Variants in OCRL observed in about 807,000 individuals in gnomAD.
OCRL encodes the protein inositol polyphosphate 5-phosphatase OCRL.
OCRL carries 8 observed loss-of-function variants against 78.9 expected under a neutral mutation model. The observed-to-expected ratio is 0.10, with a 90% CI of 0.06 to 0.18. The LOEUF is 0.18. OCRL is among the 10% of genes least tolerant of loss of function. The pLI is 1.00. For missense variants in OCRL, 454 were observed against 696.7 expected, an observed-to-expected ratio of 0.65 and a Z score of 3.92; for synonymous variants, 240 against 235.4, an observed-to-expected ratio of 1.02 and a Z score of -0.18.
intron 1 of OCRL, 127 bp downstream of exon 1, chrX:129,540,605 C>G: frequency 3.2e-6 from 2 of 631,296 alleles, no homozygotes; most frequent in Non-Finnish European, 4.4e-6. Flanking sequence ...GGGGAGGGGG[C>G]CGGCGCGGGA....
intron 19 of OCRL, among the ~76,000 whole-genome samples, chrX:129,585,502 G>A (rs768619678): frequency 3.6e-5 from 4 of 112,294 alleles, no homozygotes; most frequent in African/African-American, 6.5e-5. Flanking sequence ...ATCAGTACAC[G>A]TGCTGCATTT....
chrX:129,552,078 G>A (rs745433327), intron 4 of OCRL, among the ~76,000 whole-genome samples: 2 of 111,980 alleles, frequency 1.8e-5, no homozygotes, highest in East Asian at 2.8e-4. Flanking sequence ...TGAATTTTGA[G>A]ATTTCAAAAA....
intron 16 of OCRL, chrX:129,575,519 C>G (rs1000507139): frequency 2.6e-6 from 1 of 389,752 alleles, no homozygotes; most frequent in African/African-American, 2.5e-5. Context: ...CAGAACAGCA[C>G]CCGGCACATA....
In OCRL at chrX:129,547,547, A is replaced by G. The variant is rs1160425356; in HGVS notation, c.200-1016A>G. 2.1e-4 allele frequency among the ~76,000 whole-genome samples: 23 copies of G among 109,820 alleles called. No individual in the cohort carries two copies. In the East Asian group the frequency reaches 5.4e-3, roughly 26 times the overall value. ...CTCAAAAAAAAAAAAAAAAAAAGAA[A>G]AAGAAAACCATCTGTAAACACTCAG... On this transcript the variant is annotated intron_variant, in intron 3 of 23. Transcript: ENST00000371113.
chrX:129,588,187 G>A lies in OCRL; in HGVS notation c.2265G>A (p.Leu755=), dbSNP rs951914518. The change falls in exon 21 of 24, where the codon CTG becomes CTA. Residue 755 remains leucine (L), a synonymous_variant. Transcript: ENST00000371113. ...LFKYACHQED[L]FQTPGMQEEL... ...TCTGACTTCTTTGGTAGGAGGACCTGTTCCAGACCCCTGGAATGCAGGAAG... is the reference window on the plus strand; with the variant it reads ...TCTGACTTCTTTGGTAGGAGGACCTATTCCAGACCCCTGGAATGCAGGAAG... 2 of 1,197,105 alleles carry A rather than the reference G, an allele frequency of 1.7e-6. No individual in the cohort carries two copies. The highest frequency in any genetic ancestry group is 3.5e-5 in the African/African-American group (2 of 56,730).
In OCRL at chrX:129,562,892, C is replaced by T. The variant is rs1452663526; in HGVS notation, c.1244+106C>T. 3.9e-6 allele frequency: 3 copies of T among 767,646 alleles called. No homozygotes were observed. The East Asian group carries it at 9.7e-5, about 25-fold the overall frequency. 63.3% of individuals were successfully genotyped at this position (767,646 alleles called of 1,213,427 possible). Reference sequence around the variant, plus strand: ...TAGAGCTGTGAAGAGTGAAAGATTACCAGTGAGGGATTGGGGTCACAAAGG... The same window carrying T: ...TAGAGCTGTGAAGAGTGAAAGATTATCAGTGAGGGATTGGGGTCACAAAGG... On this transcript the variant is annotated intron_variant, in intron 12 of 23. Transcript: ENST00000371113.
chrX:129,558,945 C>T lies in OCRL; in HGVS notation c.666C>T (p.Leu222=), dbSNP rs746349869. 1 of 1,209,760 alleles carries T rather than the reference C, an allele frequency of 8.3e-7. No homozygotes were observed. The highest frequency in any genetic ancestry group is 1.7e-5 in the African/African-American group (1 of 57,305). ...CCCAATCTGGGCAGCGGGAGGGTCTCATCAAACATATCCTGGCAAAGCGAG... is the reference window on the plus strand; with the variant it reads ...CCCAATCTGGGCAGCGGGAGGGTCTTATCAAACATATCCTGGCAAAGCGAG... The part of the protein sequence containing the change: ...PNTQSGQREG[L]IKHILAKREK... Residue 222 remains leucine, a synonymous_variant, in exon 8 of 24, where the codon CTC becomes CTT. Coordinates refer to ENST00000371113, the MANE Select transcript of OCRL (RefSeq NM_000276.4).
intron 15 of OCRL, among the ~76,000 whole-genome samples, chrX:129,569,812 T>C (rs1936272870): frequency 9.1e-6 from 1 of 109,497 alleles, no homozygotes; most frequent in South Asian, 4.0e-4. Flanking sequence ...TCTTAAGGGA[T>C]ATAGTGTCAT....
In OCRL at chrX:129,558,615, G is replaced by T; in HGVS notation, c.440-18G>T. 1 of 1,210,531 alleles carries T rather than the reference G, an allele frequency of 8.3e-7. No individual in the cohort carries two copies. Among genetic ancestry groups the T allele is most frequent in the Non-Finnish European group, 1.1e-6 (1 of 894,637 alleles). ...TTAGATTTTTTCCCCGTTTGACTTTGGGGTCTGTGTCTTTCAGGGCTTCTT... is the reference window on the plus strand; with the variant it reads ...TTAGATTTTTTCCCCGTTTGACTTTTGGGTCTGTGTCTTTCAGGGCTTCTT... On this transcript the variant is annotated intron_variant, in intron 6 of 23. Transcript: ENST00000371113.
chrX:129,568,123 A>G (rs1936246367), intron 14 of OCRL, among the ~76,000 whole-genome samples: 1 of 109,122 alleles, frequency 9.2e-6, no homozygotes. Flanking sequence ...TCACCTTGTT[A>G]GCCAGGATGG....
At chrX:129,550,178 A>G (rs1935940149) in intron 4 of OCRL, among the ~76,000 whole-genome samples, 1 of 112,379 alleles carries the variant, frequency 8.9e-6, no homozygotes, top group African/African-American at 3.2e-5. Flanking sequence ...ATTATATACA[A>G]TTTACTAATT....
At chrX:129,568,341 C>G (rs1160448221) in intron 14 of OCRL, among the ~76,000 whole-genome samples, 2 of 111,118 alleles carry the variant, frequency 1.8e-5, no homozygotes, top group Admixed American at 1.9e-4. Flanking sequence ...TTCTTTTCTT[C>G]TTTTTCTTTC....
At chrX:129,581,096 C>T (rs762299357) in intron 18 of OCRL, among the ~76,000 whole-genome samples, 1 of 112,459 alleles carries the variant, frequency 8.9e-6, no homozygotes, top group South Asian at 3.6e-4. Context: ...AACACCTGAC[C>T]TCAGGTGATC....
chrX:129,584,468 C>T lies in OCRL; in HGVS notation c.2139+101C>T, dbSNP rs1936484941. ...CCCTAGGCTTTCCCATATCAGAGAC[C>T]TCTGACTTGGTGAGACTCCCCTAAA... On this transcript the variant is annotated intron_variant, in intron 19 of 23. Transcript: ENST00000371113. 7 of 824,166 alleles carry T rather than the reference C, an allele frequency of 8.5e-6. No individual in the cohort carries two copies. In the Admixed American group the frequency reaches 1.3e-4, roughly 16 times the overall value. 67.9% of individuals were successfully genotyped at this position (824,166 alleles called of 1,213,427 possible). A position where few individuals can be genotyped will look rare whatever the true frequency, so the allele number is the denominator to read the frequency against.
chrX:129,558,054 A>G, intron 6 of OCRL, 104 bp downstream of exon 6: 4 of 572,153 alleles, frequency 7.0e-6, no homozygotes, highest in Admixed American at 4.7e-5. Flanking sequence ...TGTCAGACAC[A>G]TTCTCCTGCA....
intron 4 of OCRL, chrX:129,553,306 G>A (rs188996243): frequency 1.6e-4 from 18 of 112,244 alleles, no homozygotes; most frequent in African/African-American, 5.8e-4. Context: ...TTTCAGATAA[G>A]TAGTGGGTGT....
At position 129,592,361 on chromosome X, in the gene OCRL, A is replaced by C. The variant is rs1012216805; in HGVS notation, c.*2091A>C. 9.8e-5 allele frequency: 11 copies of C among 112,366 alleles called. No homozygotes were observed. Among genetic ancestry groups the C allele is most frequent in the African/African-American group, 3.2e-4 (10 of 30,820 alleles). 9.3% of individuals were successfully genotyped at this position (112,366 alleles called of 1,213,427 possible). A position where few individuals can be genotyped will look rare whatever the true frequency, so the allele number is the denominator to read the frequency against. On this transcript the variant is annotated 3_prime_UTR_variant, in exon 24 of 24. Transcript: ENST00000371113. ...CTGCACCTGCTGTCTTAGGGAAGAA[A>C]TGGTTCAAATCCATGTGGTGACATT...
chrX:129,541,398 C>T (rs190531795), intron 2 of OCRL, among the ~76,000 whole-genome samples: 34 of 111,906 alleles, frequency 3.0e-4, no homozygotes, highest in African/African-American at 1.0e-3. Flanking sequence ...GCCTCACTTA[C>T]TGACTTTACT....
Position 129,592,168 on chromosome X carries a change from T to C in OCRL, c.*1898T>C, listed in dbSNP as rs1466227435. The C allele has an allele frequency of 8.8e-6, 1 of 113,804 alleles. No homozygotes were observed. The highest frequency in any genetic ancestry group is 1.9e-5 in the Non-Finnish European group (1 of 53,310). The allele number at this position is 113,804 out of a possible 1,213,427, so 9.4% of individuals were successfully genotyped here. On this transcript the variant is annotated 3_prime_UTR_variant, in exon 24 of 24. Transcript: ENST00000371113. ...GGAACATATACAGAGTTGAGAGTTTTAGACAATCTCTAGGTAGAGGAGACA... is the reference window on the plus strand; with the variant it reads ...GGAACATATACAGAGTTGAGAGTTTCAGACAATCTCTAGGTAGAGGAGACA...
Sources: allele counts gnomAD v4.1 joint callset (sites outside exome capture counted in the v4.1 genomes callset), GRCh38; gene constraint gnomAD v4.1.1; transcripts MANE v1.5; gene names NCBI Gene and HGNC (gene_info 2026-07-23, HGNC 2026-07-21).